The following GTF2H3 variants were observed in gnomAD, a reference collection of about 807,000 sequenced individuals.
GTF2H3 encodes general transcription factor IIH subunit 3.
In GTF2H3, 42 loss-of-function variants were observed where a neutral mutation model predicts 51.1. The observed-to-expected ratio is 0.82, with a 90% CI of 0.64 to 1.06. The LOEUF (loss-of-function observed/expected upper bound fraction) is 1.06, where lower values mean the gene tolerates loss of function less well. GTF2H3 is among the 50% of genes least tolerant of loss of function. The pLI is 0.00. For synonymous variants in GTF2H3, 123 were observed against 123.8 expected (o/e 0.99, Z 0.04); for missense variants, 326 against 366.1 (o/e 0.89, Z 0.89).
intron 2 of GTF2H3, among the ~76,000 whole-genome samples, chr12:123,643,998 T>C (rs1030499738): frequency 9.9e-5 from 15 of 151,814 alleles, no homozygotes; most frequent in African/African-American, 3.6e-4. Context: ...GCCCAGCTAA[T>C]TTTTGTATTT....
intron 4 of GTF2H3, among the ~76,000 whole-genome samples, chr12:123,648,850 C>T (rs1459851632): frequency 6.6e-6 from 1 of 152,184 alleles, no homozygotes; most frequent in Non-Finnish European, 1.5e-5. Context: ...GACGGGGTCT[C>T]ACTATGTTGC....
At chr12:123,638,785 T>C (rs1425895515) in intron 1 of GTF2H3, among the ~76,000 whole-genome samples, 1 of 151,498 alleles carries the variant, frequency 6.6e-6, no homozygotes, top group Non-Finnish European at 1.5e-5. Flanking sequence ...CCCACTGTGC[T>C]TTAAAGCTTT....
chr12:123,635,901 A>G (rs1452599127), intron 1 of GTF2H3, among the ~76,000 whole-genome samples: 1 of 152,244 alleles, frequency 6.6e-6, no homozygotes, highest in African/African-American at 2.4e-5. Flanking sequence ...TGGGGCAGTG[A>G]AGAGCCACAG....
In GTF2H3 at chr12:123,660,282, A is replaced by C. The variant is rs368452611; in HGVS notation, c.*47A>C. ...TTTTAGAGCTGTTAATAGAAATTAT[A>C]TAGCAGATTCTTTGTTGGGAAGACT... is the stretch of plus-strand genomic sequence containing the variant. On this transcript the variant is annotated 3_prime_UTR_variant, in exon 13 of 13. Coordinates refer to ENST00000543341, the MANE Select transcript of GTF2H3 (RefSeq NM_001516.5). The C allele has an allele frequency of 6.0e-6, 8 of 1,338,736 alleles. No homozygotes were observed. Among genetic ancestry groups the C allele is most frequent in the African/African-American group, 5.9e-5 (4 of 67,574 alleles). 82.9% of individuals were successfully genotyped at this position (1,338,736 alleles called of 1,614,324 possible).
chr12:123,636,177 G>T (rs1284622688), intron 1 of GTF2H3, among the ~76,000 whole-genome samples: 4 of 152,136 alleles, frequency 2.6e-5, no homozygotes, highest in Non-Finnish European at 1.5e-5. Context: ...AGGGGTGGGG[G>T]TCATCTTATA....
At chr12:123,659,670 G>A (rs920393015) in intron 10 of GTF2H3, 86 bp downstream of exon 10, 34 of 1,480,258 alleles carry the variant, frequency 2.3e-5, no homozygotes, top group South Asian at 4.5e-5. Context: ...AAGATGGCTG[G>A]TGCTAGTACT....
rs139029985 is a variant in GTF2H3 at position 123,654,852 on chromosome 12, G to C, written c.487-72G>C. The C allele has an allele frequency of 5.3e-5, 53 of 991,882 alleles. No homozygotes were observed. In the East Asian group the frequency reaches 1.2e-3, roughly 22 times the overall value. The allele number at this position is 991,882 out of a possible 1,614,324, so 61.4% of individuals were successfully genotyped here. ...GGAATAATGTTGGTTGTGGTTCGCA[G>C]TATATTGTGTGACATTGGTGTGAGA... On this transcript the variant is annotated intron_variant, in intron 7 of 12. Transcript: ENST00000543341.
chr12:123,652,749 AT>A lies in GTF2H3; in HGVS notation c.486+15del, dbSNP rs1955534542. On this transcript the variant is annotated intron_variant, in intron 7 of 12. Coordinates refer to ENST00000543341, the MANE Select transcript of GTF2H3 (RefSeq NM_001516.5). The stretch of plus-strand genomic sequence containing the variant: ...TCAAGGATATTGGTAAGATAAAAAA[AT>A]CATTACTTTTTTATATGACAACTAT... 5 of 1,479,316 alleles carry A rather than the reference AT, an allele frequency of 3.4e-6. No individual in the cohort carries two copies. The highest frequency in any genetic ancestry group is 4.6e-6 in the Non-Finnish European group (5 of 1,096,118). The allele number at this position is 1,479,316 out of a possible 1,614,324, so 91.6% of individuals were successfully genotyped here. A position where few individuals can be genotyped will look rare whatever the true frequency, so the allele number is the denominator to read the frequency against.
At chr12:123,657,836 G>T (rs1955606339) in intron 9 of GTF2H3, among the ~76,000 whole-genome samples, 1 of 152,182 alleles carries the variant, frequency 6.6e-6, no homozygotes, top group Admixed American at 6.5e-5. Context: ...CCTAGGATCG[G>T]AGCTAGGGTT....
chr12:123,659,351 A>T, intron 9 of GTF2H3, 165 bp from the exon 10 acceptor site: 1 of 640,042 alleles, frequency 1.6e-6, no homozygotes, highest in Non-Finnish European at 2.8e-6. Context: ...TGGGCGACAG[A>T]GCAAGACTCT....
At chr12:123,636,917 CA>C (rs879833374) in intron 1 of GTF2H3, among the ~76,000 whole-genome samples, 59 of 141,138 alleles carry the variant, frequency 4.2e-4, no homozygotes, top group South Asian at 4.5e-4. Context: ...AACTCCGTCT[CA>C]AAAAAAAAAA....
intron 6 of GTF2H3, 38 bp downstream of exon 6, chr12:123,652,599 A>G (rs747077234): frequency 3.7e-5 from 55 of 1,492,028 alleles, no homozygotes; most frequent in Middle Eastern, 3.5e-4. Context: ...CTGTAATCCT[A>G]CTTATTTTAC....
chr12:123,658,683 T>A (rs1486128699), intron 9 of GTF2H3, among the ~76,000 whole-genome samples: 3 of 152,142 alleles, frequency 2.0e-5, no homozygotes, highest in Non-Finnish European at 4.4e-5. Context: ...TCACAGTTTC[T>A]TTTTACATAA....
At position 123,660,506 on chromosome 12, in the gene GTF2H3, T is replaced by G. The variant is rs1955643614; in HGVS notation, c.*271T>G. The G allele has an allele frequency of 3.5e-6, 1 of 286,134 alleles. No individual in the cohort carries two copies. Among genetic ancestry groups the G allele is most frequent in the Admixed American group, 4.9e-5 (1 of 20,452 alleles). 17.7% of individuals were successfully genotyped at this position (286,134 alleles called of 1,614,324 possible). On this transcript the variant is annotated 3_prime_UTR_variant, in exon 13 of 13. Transcript: ENST00000543341. Reference sequence around the variant, plus strand: ...TTCATTTTTTTAATGGGATGACTATTAGTCAAAGTCAGCTTGTCATGACTC... The same window carrying G: ...TTCATTTTTTTAATGGGATGACTATGAGTCAAAGTCAGCTTGTCATGACTC...
intron 1 of GTF2H3, among the ~76,000 whole-genome samples, chr12:123,635,572 CAAAAAAAAAA>C (rs11316749): frequency 1.2e-5 from 1 of 85,410 alleles, no homozygotes; most frequent in Non-Finnish European, 2.3e-5. Context: ...GTCTCCGTCG[CAAAAAAAAAA>C]AAAAAAAAAA....
intron 3 of GTF2H3, among the ~76,000 whole-genome samples, chr12:123,647,565 T>TA: frequency 6.6e-6 from 1 of 152,112 alleles, no homozygotes; most frequent in Non-Finnish European, 1.5e-5. Context: ...CCTCAAATAA[T>TA]AAACTAGTAG....
chr12:123,643,777 G>A (rs976288066), intron 2 of GTF2H3, among the ~76,000 whole-genome samples: 1 of 151,808 alleles, frequency 6.6e-6, no homozygotes, highest in Non-Finnish European at 1.5e-5. Flanking sequence ...GTCACTTTTC[G>A]CCAATTAGAA....
At chr12:123,646,871 G>A (rs1232995358) in intron 3 of GTF2H3, among the ~76,000 whole-genome samples, 2 of 151,018 alleles carry the variant, frequency 1.3e-5, no homozygotes, top group East Asian at 3.9e-4. Context: ...CAAGGCCATG[G>A]CTGGGTGCGG....
At chr12:123,658,400 T>G (rs1955613011) in intron 9 of GTF2H3, among the ~76,000 whole-genome samples, 1 of 152,202 alleles carries the variant, frequency 6.6e-6, no homozygotes, top group South Asian at 2.1e-4. Flanking sequence ...GTATTTTTAG[T>G]AGAGACAGGG....
Sources: gnomAD v4.1 joint callset for allele counts (sites outside exome capture counted in the v4.1 genomes callset) on GRCh38, gnomAD v4.1.1 for gene constraint, MANE v1.5 for transcripts, NCBI Gene and HGNC (gene_info 2026-07-23, HGNC 2026-07-21) for gene names.